The following C17orf50 variants were observed in gnomAD, a reference collection of about 807,000 sequenced individuals.
The protein encoded by C17orf50 is plakoglobin binding and degradation factor.
C17orf50 carries 16 observed loss-of-function variants against 17.7 expected under a neutral mutation model. The observed-to-expected ratio is 0.90, with a 90% CI of 0.61 to 1.37. The LOEUF is 1.37. Ranked by LOEUF, C17orf50 falls within the 40% of genes most tolerant of loss-of-function variation. The pLI, the probability that C17orf50 is intolerant of heterozygous loss-of-function variation, is 0.00. For missense variants in C17orf50, 271 were observed against 240.7 expected (o/e 1.13, Z -0.83); for synonymous variants, 125 against 111.0 (o/e 1.13, Z -0.80).
Position 35,764,813 on chromosome 17 carries a change from C to G in C17orf50, c.*195C>G. ...TGGTTCCCATCTGTCACCTAGCGCC[C>G]CCAGTGCAGAGCCCAGCATAACCTA... is the stretch of plus-strand genomic sequence containing the variant. On this transcript the variant is annotated 3_prime_UTR_variant, in exon 3 of 3. Transcript: ENST00000605587. 1 of 580,850 alleles carries G rather than the reference C, an allele frequency of 1.7e-6. No homozygotes were observed. The highest frequency in any genetic ancestry group is 2.8e-6 in the Non-Finnish European group (1 of 353,948). The allele number at this position is 580,850 out of a possible 1,614,324, so 36.0% of individuals were successfully genotyped here.
intron 1 of C17orf50, among the ~76,000 whole-genome samples, chr17:35,762,551 G>A (rs1441050133): frequency 3.9e-5 from 6 of 152,154 alleles, no homozygotes; most frequent in African/African-American, 1.2e-4. Context: ...CAGCAAGAGG[G>A]GACAGTGGTG....
chr17:35,764,010 T>C lies in C17orf50; in HGVS notation c.17T>C (p.Val6Ala). The change falls in exon 2 of 3, where the codon GTG becomes GCG. Residue 6 changes from valine (V) to alanine (A), a missense_variant. Transcript: ENST00000605587. MDKHG[V>A]KTPLWKKETE... ...CTGACCTCCTCCCGGCCCGCAGGTG[T>C]GAAGACCCCCTTGTGGAAGAAGGAA... 1 of 1,538,980 alleles carries C rather than the reference T, an allele frequency of 6.5e-7. No homozygotes were observed. Among genetic ancestry groups the C allele is most frequent in the Non-Finnish European group, 8.8e-7 (1 of 1,139,298 alleles).
At position 35,764,498 on chromosome 17, in the gene C17orf50, T is replaced by G. The variant is rs2085895536; in HGVS notation, c.405T>G (p.Ala135=). The G allele has an allele frequency of 6.3e-7, 1 of 1,586,124 alleles. No individual in the cohort carries two copies. Among genetic ancestry groups the G allele is most frequent in the Non-Finnish European group, 8.6e-7 (1 of 1,168,974 alleles). ...RRRPPRRGGC[A]CCELLFCKKC... ...GACCGCCGCGCCGCGGGGGCTGTGC[T>G]TGCTGCGAGCTCCTCTTCTGCAAGA... is the stretch of plus-strand genomic sequence containing the variant. The change falls in exon 3 of 3, where the codon GCT becomes GCG. Residue 135 remains alanine (A), a synonymous_variant. Transcript: ENST00000605587.
At chr17:35,763,052 G>GTGC (rs1555601803) in intron 1 of C17orf50, among the ~76,000 whole-genome samples, 2 of 151,734 alleles carry the variant, frequency 1.3e-5, no homozygotes, top group Non-Finnish European at 2.9e-5. Context: ...AACCCGGCAG[G>GTGC]TGGAGCTTGC....
rs587700171 is a variant in C17orf50, at chr17:35,763,094, C to G, written c.14-913C>G. 2.8e-3 allele frequency among the ~76,000 whole-genome samples: 416 copies of G among 149,930 alleles called. 1 individual carries two copies. Among genetic ancestry groups the G allele is most frequent in the South Asian group, 0.012 (57 of 4,698 alleles). ...CCGAGATGGCACCACTGCACTCCAG[C>G]CTGGGCGACAGAGCGAGACTCCGTC... On this transcript the variant is annotated intron_variant, in intron 1 of 2. Coordinates refer to ENST00000605587, the MANE Select transcript of C17orf50 (RefSeq NM_145272.4).
In C17orf50 at chr17:35,764,493, T is replaced by A. The variant is rs781787644; in HGVS notation, c.400T>A (p.Cys134Ser). 1 of 1,581,362 alleles carries A rather than the reference T, an allele frequency of 6.3e-7. No individual in the cohort carries two copies. The highest frequency in any genetic ancestry group is 8.6e-7 in the Non-Finnish European group (1 of 1,166,454). The change falls in exon 3 of 3, where the codon TGT (cysteine) becomes AGT (serine). Residue 134 changes from cysteine (C) to serine (S), a missense_variant. Coordinates refer to ENST00000605587, the MANE Select transcript of C17orf50 (RefSeq NM_145272.4). ...GCGACGACCGCCGCGCCGCGGGGGC[T>A]GTGCTTGCTGCGAGCTCCTCTTCTG... The part of the protein sequence containing the change: ...IRRRPPRRGG[C>S]ACCELLFCKK...
Position 35,764,011 on chromosome 17 carries a change from G to GA in C17orf50, c.20dup (p.Thr8AspfsTer160). On this transcript the variant is annotated frameshift_variant, in exon 2 of 3. Transcript: ENST00000605587. LOFTEE classifies it high-confidence loss of function. Reference sequence around the variant, plus strand: ...TGACCTCCTCCCGGCCCGCAGGTGTGAAGACCCCCTTGTGGAAGAAGGAAA... The same window carrying GA: ...TGACCTCCTCCCGGCCCGCAGGTGTGAAAGACCCCCTTGTGGAAGAAGGAAA... The GA allele has an allele frequency of 6.5e-7, 1 of 1,540,672 alleles. No homozygotes were observed. Among genetic ancestry groups the GA allele is most frequent in the South Asian group, 1.2e-5 (1 of 83,092 alleles).
Position 35,764,315 on chromosome 17 carries a change from C to G in C17orf50, c.322C>G (p.Pro108Ala), listed in dbSNP as rs1311796984. 3 of 1,482,474 alleles carry G rather than the reference C, an allele frequency of 2.0e-6. No individual in the cohort carries two copies. The highest frequency in any genetic ancestry group is 2.7e-6 in the Non-Finnish European group (3 of 1,122,104). The allele number at this position is 1,482,474 out of a possible 1,614,324, so 91.8% of individuals were successfully genotyped here. Reference protein sequence around the residue: ...PLALLGGLTAPTDRKRSLPEE... With the variant: ...PLALLGGLTAATDRKRSLPEE... ...AGCGCTGCTGGGCGGCCTAACAGCT[C>G]CCACCGACAGGTGCCTGCGCGCTCC... The change falls in exon 2 of 3, where the codon CCC (proline) becomes GCC (alanine). Residue 108 changes from proline (P) to alanine (A), a missense_variant. Transcript: ENST00000605587.
At position 35,760,890 on chromosome 17, in the gene C17orf50, CT is replaced by C. The variant is rs1348037468; in HGVS notation, c.-51del. The stretch of plus-strand genomic sequence containing the variant: ...CAAAGTTCTATGGGTTCTGGGCACC[CT>C]CTCACATCCCAGTCTCTGATCAGGG... On this transcript the variant is annotated 5_prime_UTR_variant, in exon 1 of 3. Coordinates refer to ENST00000605587, the MANE Select transcript of C17orf50 (RefSeq NM_145272.4). The C allele has an allele frequency of 6.2e-7, 1 of 1,611,410 alleles. No homozygotes were observed. The highest frequency in any genetic ancestry group is 1.3e-5 in the African/African-American group (1 of 74,854).
intron 1 of C17orf50, among the ~76,000 whole-genome samples, chr17:35,763,122 C>CAAA (rs56180495): frequency 1.9e-5 from 2 of 103,146 alleles, no homozygotes; most frequent in Non-Finnish European, 2.2e-5. Context: ...ACTCCGTCTC[C>CAAA]AAAAAAAAAA....
At position 35,760,935 on chromosome 17, in the gene C17orf50, G is replaced by A. The variant is rs1568116979; in HGVS notation, c.-7G>A. The A allele has an allele frequency of 6.2e-7, 1 of 1,613,654 alleles. No individual in the cohort carries two copies. Among genetic ancestry groups the A allele is most frequent in the Non-Finnish European group, 8.5e-7 (1 of 1,179,986 alleles). ...ATCAGGGAAAGCAGGGCACAGCCTT[G>A]GGAAGAATGGATAAGCATGGTGAGT... On this transcript the variant is annotated 5_prime_UTR_variant, in exon 1 of 3. Coordinates refer to ENST00000605587, the MANE Select transcript of C17orf50 (RefSeq NM_145272.4).
rs1568117042 is a variant in C17orf50 at position 35,760,968 on chromosome 17, G to A, written c.13+14G>A. 1 of 1,612,086 alleles carries A rather than the reference G, an allele frequency of 6.2e-7. No individual in the cohort carries two copies. The highest frequency in any genetic ancestry group is 1.3e-5 in the African/African-American group (1 of 74,860). On this transcript the variant is annotated intron_variant, in intron 1 of 2. Coordinates refer to ENST00000605587, the MANE Select transcript of C17orf50 (RefSeq NM_145272.4). Reference sequence around the variant, plus strand: ...TGGATAAGCATGGTGAGTGGGGCTGGAGGCAGGGTGGGGCTGGAGGACAGG... The same window carrying A: ...TGGATAAGCATGGTGAGTGGGGCTGAAGGCAGGGTGGGGCTGGAGGACAGG...
At chr17:35,763,302 G>T (rs1439562297) in intron 1 of C17orf50, among the ~76,000 whole-genome samples, 2 of 151,822 alleles carry the variant, frequency 1.3e-5, no homozygotes, top group Middle Eastern at 3.2e-3. Flanking sequence ...GTGGAGACGG[G>T]GTCTCACTCT....
At position 35,764,504 on chromosome 17, in the gene C17orf50, C is replaced by T. The variant is rs1568123451; in HGVS notation, c.411C>T (p.Cys137=). The change falls in exon 3 of 3, where the codon TGC becomes TGT. Residue 137 remains cysteine (C), a synonymous_variant. Transcript: ENST00000605587. ...RPPRRGGCAC[C]ELLFCKKCRS... is the part of the protein sequence containing the mutation. ...CGCGCCGCGGGGGCTGTGCTTGCTGCGAGCTCCTCTTCTGCAAGAAATGCA... is the reference window on the plus strand; with the variant it reads ...CGCGCCGCGGGGGCTGTGCTTGCTGTGAGCTCCTCTTCTGCAAGAAATGCA... 1.3e-6 allele frequency: 2 copies of T among 1,589,522 alleles called. No individual in the cohort carries two copies. Among genetic ancestry groups the T allele is most frequent in the South Asian group, 1.1e-5 (1 of 87,782 alleles).
intron 1 of C17orf50, among the ~76,000 whole-genome samples, chr17:35,761,419 G>GC (rs782542043): frequency 2.4e-5 from 3 of 126,490 alleles, no homozygotes; most frequent in African/African-American, 8.8e-5. Flanking sequence ...CCTGTTTTTT[G>GC]TTTTTTTTTT....
intron 1 of C17orf50, among the ~76,000 whole-genome samples, chr17:35,763,023 GAGGC>G (rs1453389570): frequency 6.6e-6 from 1 of 151,868 alleles, no homozygotes; most frequent in African/African-American, 2.4e-5. Context: ...TCGGGAGGCT[GAGGC>G]AGGAGAATGG....
Position 35,764,166 on chromosome 17 carries a change from A to C in C17orf50, c.173A>C (p.Glu58Ala). 6.5e-7 allele frequency: 1 copy of C among 1,548,516 alleles called. No individual in the cohort carries two copies. Among genetic ancestry groups the C allele is most frequent in the Non-Finnish European group, 8.7e-7 (1 of 1,146,660 alleles). Residue 58 changes from glutamate to alanine, a missense_variant, in exon 2 of 3, where the codon GAG becomes GCG. By Grantham distance (107) the Glu-to-Ala change is moderately radical. Coordinates refer to ENST00000605587, the MANE Select transcript of C17orf50 (RefSeq NM_145272.4). ...GGCGAGGAGCCGCCGCGGGTAGCGG[A>C]GGAGGGCGAAGGCCGCGAGCGGCGC... is the stretch of plus-strand genomic sequence containing the variant. ...TEGEEPPRVA[E>A]EGEGRERRSV... is the part of the protein sequence containing the mutation.
At chr17:35,763,917 T>TAAATAAATAAAC in intron 1 of C17orf50, 90 bp from the exon 2 acceptor site, 1 of 931,806 alleles carries the variant, frequency 1.1e-6, no homozygotes, top group Non-Finnish European at 1.4e-6. Flanking sequence ...AATAAATAAA[T>TAAATAAATAAAC]AAATAAATAA....
intron 1 of C17orf50, among the ~76,000 whole-genome samples, chr17:35,762,202 C>T (rs1251796641): frequency 2.0e-5 from 3 of 152,098 alleles, no homozygotes; most frequent in Non-Finnish European, 4.4e-5. Context: ...GTTGGTCAGG[C>T]TGGTCTCGAA....
Sources: allele counts gnomAD v4.1 joint callset (sites outside exome capture counted in the v4.1 genomes callset), GRCh38; gene constraint gnomAD v4.1.1; transcripts MANE v1.5; gene names NCBI Gene and HGNC (gene_info 2026-07-23, HGNC 2026-07-21).